FHIP1A: variants seen among roughly 807,000 people sequenced by gnomAD.
FHIP1A encodes FHF complex subunit HOOK-interacting protein 1A.
In FHIP1A, 61 loss-of-function variants were observed where a neutral mutation model predicts 88.6. That is an observed-to-expected ratio of 0.69 (90% CI 0.56 to 0.85). FHIP1A has a LOEUF of 0.85. FHIP1A is among the 40% of genes least tolerant of loss of function. FHIP1A has a pLI of 0.00. For missense variants in FHIP1A, 1,154 were observed against 1,273.5 expected, an observed-to-expected ratio of 0.91 and a Z score of 1.43; for synonymous variants, 478 against 496.0, an observed-to-expected ratio of 0.96 and a Z score of 0.48.
In FHIP1A at chr4:151,566,486, ACT is replaced by A. The variant is rs1256849355; in HGVS notation, c.105+125_105+126del. The A allele has an allele frequency of 4.8e-6, 3 of 626,170 alleles. No individual in the cohort carries two copies. In the African/African-American group the frequency reaches 5.8e-5, roughly 12 times the overall value. 38.8% of individuals were successfully genotyped at this position (626,170 alleles called of 1,614,324 possible). ...GATTGCTAGAAACACAGGGAGGGAA[ACT>A]CTTTCAGATAGGAAGAAAAGTAACT... On this transcript the variant is annotated intron_variant, in intron 4 of 13. Coordinates refer to ENST00000435205, the MANE Select transcript of FHIP1A (RefSeq NM_001109977.3).
At chr4:151,509,162 T>G (rs1024236259) in intron 3 of FHIP1A, among the ~76,000 whole-genome samples, 11 of 152,230 alleles carry the variant, frequency 7.2e-5, no homozygotes, top group East Asian at 1.9e-4. Context: ...TAAGTATTTT[T>G]TTTGTTTGTT....
At chr4:151,527,251 C>T (rs1344728436) in intron 3 of FHIP1A, among the ~76,000 whole-genome samples, 1 of 151,550 alleles carries the variant, frequency 6.6e-6, no homozygotes, top group Non-Finnish European at 1.5e-5. Flanking sequence ...ACTGAGTGAA[C>T]GAGACTCCGT....
intron 7 of FHIP1A, among the ~76,000 whole-genome samples, chr4:151,603,797 A>G (rs1427662160): frequency 1.3e-5 from 2 of 152,216 alleles, no homozygotes; most frequent in African/African-American, 4.8e-5. Flanking sequence ...ATATAGTGCC[A>G]ACCTTTTCCT....
chr4:151,526,661 G>A, intron 3 of FHIP1A, among the ~76,000 whole-genome samples: 1 of 150,906 alleles, frequency 6.6e-6, no homozygotes. Flanking sequence ...CGGGCGGGGG[G>A]CTGACCCCCC....
intron 1 of FHIP1A, among the ~76,000 whole-genome samples, chr4:151,432,616 A>G (rs1443341436): frequency 6.6e-6 from 1 of 152,192 alleles, no homozygotes; most frequent in African/African-American, 2.4e-5. Flanking sequence ...TCTGGAGGAG[A>G]TGGACTTGTA....
chr4:151,479,247 CT>C (rs1729814503), intron 2 of FHIP1A, among the ~76,000 whole-genome samples: 1 of 152,064 alleles, frequency 6.6e-6, no homozygotes, highest in Non-Finnish European at 1.5e-5. Flanking sequence ...CTGTCTTCAT[CT>C]TTTAGCACAA....
chr4:151,454,821 A>G lies in FHIP1A; in HGVS notation c.-248+13A>G, dbSNP rs1348427379. 1 of 152,192 alleles carries G rather than the reference A, an allele frequency of 6.6e-6. No homozygotes were observed. Among genetic ancestry groups the G allele is most frequent in the Non-Finnish European group, 1.5e-5 (1 of 68,034 alleles). 9.4% of individuals were successfully genotyped at this position (152,192 alleles called of 1,614,324 possible). A position where few individuals can be genotyped will look rare whatever the true frequency, so the allele number is the denominator to read the frequency against. The stretch of plus-strand genomic sequence containing the variant: ...CAAAGAAGTTGAGGTAGGAATATTT[A>G]TAAATACGTTCCTTAACTTTTAGCT... On this transcript the variant is annotated intron_variant, in intron 2 of 13. Coordinates refer to ENST00000435205, the MANE Select transcript of FHIP1A (RefSeq NM_001109977.3).
intron 3 of FHIP1A, among the ~76,000 whole-genome samples, chr4:151,525,505 T>C (rs1302496974): frequency 1.3e-5 from 2 of 152,172 alleles, no homozygotes; most frequent in South Asian, 2.1e-4. Context: ...ATTGGAAGTA[T>C]TGGGGGACAG....
intron 13 of FHIP1A, among the ~76,000 whole-genome samples, chr4:151,661,408 GTTT>G (rs5862966): frequency 2.3e-5 from 3 of 128,578 alleles, no homozygotes; most frequent in Non-Finnish European, 3.4e-5. Context: ...AGTGGAAGTT[GTTT>G]TTTTTTTTTT....
chr4:151,626,674 T>A (rs1303730624), intron 7 of FHIP1A, among the ~76,000 whole-genome samples: 1 of 152,260 alleles, frequency 6.6e-6, no homozygotes, highest in African/African-American at 2.4e-5. Context: ...TTTCTATTAG[T>A]ATTTCTATGT....
At chr4:151,652,716 G>C (rs1421742381) in intron 11 of FHIP1A, among the ~76,000 whole-genome samples, 1 of 152,334 alleles carries the variant, frequency 6.6e-6, no homozygotes. Context: ...GACAGTGCAG[G>C]GGAGTCCCCA....
intron 2 of FHIP1A, among the ~76,000 whole-genome samples, chr4:151,461,967 A>C (rs1200650927): frequency 6.6e-6 from 1 of 152,194 alleles, no homozygotes; most frequent in Non-Finnish European, 1.5e-5. Flanking sequence ...GTTCGAGACC[A>C]GTCTGGGCAA....
chr4:151,460,546 T>C (rs1297505138), intron 2 of FHIP1A, among the ~76,000 whole-genome samples: 1 of 152,144 alleles, frequency 6.6e-6, no homozygotes, highest in Non-Finnish European at 1.5e-5. Context: ...AAAGATTAAG[T>C]GTATAGAGAG....
At chr4:151,526,485 G>A (rs1731649947) in intron 3 of FHIP1A, among the ~76,000 whole-genome samples, 1 of 148,816 alleles carries the variant, frequency 6.7e-6, no homozygotes, top group Admixed American at 6.6e-5. Flanking sequence ...CGGGCGGGGG[G>A]CTGACCCCCC....
Position 151,485,889 on chromosome 4 carries a change from G to A in FHIP1A, c.-123+3241G>A, listed in dbSNP as rs1730066109. Among the ~76,000 whole-genome samples, 3 of 152,080 alleles carry A rather than the reference G, an allele frequency of 2.0e-5. No individual in the cohort carries two copies. In the South Asian group the frequency reaches 6.2e-4, roughly 32 times the overall value. On this transcript the variant is annotated intron_variant, in intron 3 of 13. Coordinates refer to ENST00000435205, the MANE Select transcript of FHIP1A (RefSeq NM_001109977.3). ...CAGGCGTGGGCCACTGTGCCTGGCT[G>A]AGGTTTATATTTAACAAGCCCTCTA... is the stretch of plus-strand genomic sequence containing the variant.
chr4:151,442,823 T>A (rs1728459985), intron 1 of FHIP1A, among the ~76,000 whole-genome samples: 1 of 152,188 alleles, frequency 6.6e-6, no homozygotes, highest in Non-Finnish European at 1.5e-5. Flanking sequence ...GTCTTTTTGT[T>A]ATATACTTTG....
At position 151,456,480 on chromosome 4, in the gene FHIP1A, A is replaced by G. The variant is rs540001397; in HGVS notation, c.-248+1672A>G. ...GAAGGGAAAGCAAATAAGGAAAATCAGGTAGAGAGCTACTTTCTGCACATT... is the reference window on the plus strand; with the variant it reads ...GAAGGGAAAGCAAATAAGGAAAATCGGGTAGAGAGCTACTTTCTGCACATT... On this transcript the variant is annotated intron_variant, in intron 2 of 13. Transcript: ENST00000435205. Among the ~76,000 whole-genome samples, 5 of 152,300 alleles carry G rather than the reference A, an allele frequency of 3.3e-5. No homozygotes were observed. The South Asian group carries it at 1.0e-3, about 32-fold the overall frequency.
intron 9 of FHIP1A, among the ~76,000 whole-genome samples, chr4:151,642,151 A>C (rs184075818): frequency 6.6e-6 from 1 of 152,238 alleles, no homozygotes; most frequent in South Asian, 2.1e-4. Context: ...GTCCACCTCC[A>C]CGGATATGAC....
At chr4:151,659,585 C>G (rs940701940) in intron 13 of FHIP1A, among the ~76,000 whole-genome samples, 4 of 152,210 alleles carry the variant, frequency 2.6e-5, no homozygotes, top group African/African-American at 9.6e-5. Flanking sequence ...CCTTGTGTTG[C>G]AGCTTTTCAG....
Sources: allele counts gnomAD v4.1 joint callset (sites outside exome capture counted in the v4.1 genomes callset), GRCh38; gene constraint gnomAD v4.1.1; transcripts MANE v1.5; gene names NCBI Gene and HGNC (gene_info 2026-07-23, HGNC 2026-07-21).